Variants in PTCHD1 observed in about 807,000 individuals in gnomAD.
The protein encoded by PTCHD1 is patched domain-containing protein 1.
In PTCHD1, 3 loss-of-function variants were observed where a neutral mutation model predicts 34.6. The observed-to-expected ratio is 0.09, with a 90% CI of 0.04 to 0.22. PTCHD1 has a LOEUF of 0.22. PTCHD1 is among the 10% of genes least tolerant of loss of function. The pLI is 1.00. For missense variants in PTCHD1, 504 were observed against 685.5 expected, an observed-to-expected ratio of 0.74 and a Z score of 2.96; for synonymous variants, 305 against 283.1, an observed-to-expected ratio of 1.08 and a Z score of -0.77.
upstream of PTCHD1, chrX:23,334,745 G>A (rs1269999630): frequency 8.4e-6 from 1 of 118,645 alleles, no homozygotes; most frequent in Non-Finnish European, 1.6e-5. Flanking sequence ...GGAGAGCTCA[G>A]GGTCTCGCCG....
At chrX:23,386,477 A>G (rs761999755) in intron 2 of PTCHD1, among the ~76,000 whole-genome samples, 2 of 112,315 alleles carry the variant, frequency 1.8e-5, no homozygotes, top group African/African-American at 6.5e-5. Flanking sequence ...GCTGCAATAA[A>G]CCAAACAATT....
intron 1 of PTCHD1, among the ~76,000 whole-genome samples, chrX:23,338,044 T>A: frequency 9.0e-6 from 1 of 111,309 alleles, no homozygotes; most frequent in African/African-American, 3.3e-5. Context: ...GCTGATCTGG[T>A]TTGGAGGAGC....
chrX:23,365,191 G>A (rs770172579), intron 1 of PTCHD1, among the ~76,000 whole-genome samples: 15 of 111,838 alleles, frequency 1.3e-4, no homozygotes, highest in African/African-American at 4.6e-4. Flanking sequence ...TGTGTTCATC[G>A]TCATAAAAAT....
intron 2 of PTCHD1, among the ~76,000 whole-genome samples, chrX:23,389,640 T>C (rs762061559): frequency 8.5e-4 from 95 of 111,892 alleles, no homozygotes; most frequent in Non-Finnish European, 8.8e-4. Flanking sequence ...CAACAAATGC[T>C]GAGTGATCGG....
intron 1 of PTCHD1, among the ~76,000 whole-genome samples, chrX:23,366,100 G>C (rs1360502685): frequency 8.9e-6 from 1 of 112,315 alleles, no homozygotes; most frequent in Non-Finnish European, 1.9e-5. Flanking sequence ...CCTTGGCTAA[G>C]CTGTCCAGAT....
chrX:23,347,943 G>A (rs748589842), intron 1 of PTCHD1, among the ~76,000 whole-genome samples: 51 of 112,065 alleles, frequency 4.6e-4, no homozygotes, highest in African/African-American at 1.4e-3. Context: ...CCAGGAGTTT[G>A]AGGCTGCAGT....
At chrX:23,392,508 C>G (rs1352387186) in intron 2 of PTCHD1, 23 bp from the exon 3 acceptor site, 3 of 1,030,990 alleles carry the variant, frequency 2.9e-6, no homozygotes, top group East Asian at 3.0e-5. Flanking sequence ...AACTTCTGCT[C>G]TGGTCTTTTT....
chrX:23,344,811 G>A (rs1452544810), intron 1 of PTCHD1, among the ~76,000 whole-genome samples: 30 of 111,766 alleles, frequency 2.7e-4, no homozygotes, highest in African/African-American at 9.4e-4. Flanking sequence ...CTGAGAGGCT[G>A]CGGGCTCTGG....
At chrX:23,389,194 C>T (rs376440251) in intron 2 of PTCHD1, among the ~76,000 whole-genome samples, 3 of 111,904 alleles carry the variant, frequency 2.7e-5, no homozygotes, top group East Asian at 2.8e-4. Context: ...GATATAATTC[C>T]GGCATTCTGG....
rs1167234649 is a variant in PTCHD1, at chrX:23,366,761, C to A, written c.352-12830C>A. Among the ~76,000 whole-genome samples the A allele has an allele frequency of 3.6e-5, 4 of 111,564 alleles. No individual in the cohort carries two copies. In the Admixed American group the frequency reaches 3.8e-4, roughly 11 times the overall value. ...CCACAGTTTGAATTTTCTGTGAGGG[C>A]AGAACCATGTTTGTCTTGCTCACAT... On this transcript the variant is annotated intron_variant, in intron 1 of 2. Coordinates refer to ENST00000379361, the MANE Select transcript of PTCHD1 (RefSeq NM_173495.3).
At chrX:23,346,163 C>T (rs946048543) in intron 1 of PTCHD1, among the ~76,000 whole-genome samples, 1 of 112,341 alleles carries the variant, frequency 8.9e-6, no homozygotes, top group East Asian at 2.8e-4. Flanking sequence ...TCAGATGGTA[C>T]AGCAGGCACA....
At chrX:23,342,776 C>G (rs775104341) in intron 1 of PTCHD1, among the ~76,000 whole-genome samples, 1 of 111,571 alleles carries the variant, frequency 9.0e-6, no homozygotes, top group Non-Finnish European at 1.9e-5. Flanking sequence ...TTGTTGTTCT[C>G]CCTAAAAGTG....
intron 1 of PTCHD1, among the ~76,000 whole-genome samples, chrX:23,378,678 C>A (rs1441822499): frequency 8.9e-6 from 1 of 111,951 alleles, no homozygotes; most frequent in African/African-American, 3.2e-5. Flanking sequence ...ATTGCCTCAT[C>A]TGTAAAATGA....
intron 1 of PTCHD1, among the ~76,000 whole-genome samples, chrX:23,370,321 C>A (rs760278836): frequency 1.2e-4 from 13 of 111,858 alleles, no homozygotes; most frequent in Non-Finnish European, 2.3e-4. Flanking sequence ...ATGCCACCAA[C>A]ATCAGCACCT....
chrX:23,348,290 G>A (rs777677427), intron 1 of PTCHD1, among the ~76,000 whole-genome samples: 5 of 103,813 alleles, frequency 4.8e-5, no homozygotes, highest in Non-Finnish European at 9.8e-5. Flanking sequence ...AAACCCAAAC[G>A]GAACATCTAA....
In PTCHD1 at chrX:23,400,605, T is replaced by C. The variant is rs902918830; in HGVS notation, c.*6420T>C. ...TGGAAAATAAATGACTATACTGTAC[T>C]TGTTGGCTCTGCTGCTGCTGATATA... On this transcript the variant is annotated 3_prime_UTR_variant, in exon 3 of 3. Coordinates refer to ENST00000379361, the MANE Select transcript of PTCHD1 (RefSeq NM_173495.3). 3 of 112,602 alleles carry C rather than the reference T, an allele frequency of 2.7e-5. No individual in the cohort carries two copies. The highest frequency in any genetic ancestry group is 9.7e-5 in the African/African-American group (3 of 31,015). The allele number at this position is 112,602 out of a possible 1,213,427, so 9.3% of individuals were successfully genotyped here. A position where few individuals can be genotyped will look rare whatever the true frequency, so the allele number is the denominator to read the frequency against.
intron 2 of PTCHD1, among the ~76,000 whole-genome samples, chrX:23,380,713 C>T (rs144453755): frequency 4.3e-3 from 479 of 111,596 alleles, no homozygotes; most frequent in Non-Finnish European, 7.3e-3. Context: ...CACATTCTGC[C>T]GGTTGCTGTG....
At chrX:23,383,998 A>G (rs1922626678) in intron 2 of PTCHD1, among the ~76,000 whole-genome samples, 4 of 112,308 alleles carry the variant, frequency 3.6e-5, no homozygotes, top group Admixed American at 2.8e-4. Context: ...TAAAATTAGC[A>G]TAGGTTTTCT....
chrX:23,393,247 G>C lies in PTCHD1; in HGVS notation c.1729G>C (p.Glu577Gln). The C allele has an allele frequency of 8.3e-7, 1 of 1,210,053 alleles. No homozygotes were observed. The highest frequency in any genetic ancestry group is 1.1e-6 in the Non-Finnish European group (1 of 893,854). Residue 577 changes from glutamate (E) to glutamine (Q), a missense_variant, in exon 3 of 3, where the codon GAA becomes CAA. Glu to Gln is a conservative substitution (Grantham distance 29). Transcript: ENST00000379361. ...CACTAGTGTCCAAGAAGATGTTCTA[G>C]AATACACCAAGGGGTTTGTGCGGAT... ...WNTSVQEDVL[E>Q]YTKGFVRISW...
Sources: allele counts gnomAD v4.1 joint callset (sites outside exome capture counted in the v4.1 genomes callset), GRCh38; gene constraint gnomAD v4.1.1; transcripts MANE v1.5; gene names NCBI Gene and HGNC (gene_info 2026-07-23, HGNC 2026-07-21).